Variants in GLRX5 observed in about 807,000 individuals in gnomAD.
The protein encoded by GLRX5 is glutaredoxin-related protein 5, mitochondrial.
In GLRX5, 10 loss-of-function variants were observed where a neutral mutation model predicts 13.8. That is an observed-to-expected ratio of 0.72 (90% CI 0.45 to 1.23). The LOEUF (loss-of-function observed/expected upper bound fraction) is 1.23, where lower values mean the gene tolerates loss of function less well. Among genes scored for constraint, GLRX5 ranks in the 50% most tolerant of loss-of-function variants. GLRX5 has a pLI of 0.00. For synonymous variants in GLRX5, 98 were observed against 101.1 expected, an observed-to-expected ratio of 0.97 and a Z score of 0.18; for missense variants, 233 against 215.2, an observed-to-expected ratio of 1.08 and a Z score of -0.52.
chr14:95,541,684 A>G (rs1007814), intron 1 of GLRX5, among the ~76,000 whole-genome samples: 35,428 of 152,152 alleles, frequency 0.23, 4,385 homozygotes, highest in Admixed American at 0.31. Flanking sequence ...GTCAGGACAT[A>G]TGATCAACAG....
chr14:95,535,825 C>T (rs1324275942), intron 1 of GLRX5, among the ~76,000 whole-genome samples: 1 of 152,082 alleles, frequency 6.6e-6, no homozygotes, highest in Non-Finnish European at 1.5e-5. Flanking sequence ...TTGGCCTACT[C>T]GTGGGTAAGG....
At position 95,543,737 on chromosome 14, in the gene GLRX5, G is replaced by A. The variant is rs568092178; in HGVS notation, c.296-210G>A. 11 of 581,434 alleles carry A rather than the reference G, an allele frequency of 1.9e-5. No individual in the cohort carries two copies. In the East Asian group the frequency reaches 2.0e-4, roughly 11 times the overall value. The allele number at this position is 581,434 out of a possible 1,614,324, so 36.0% of individuals were successfully genotyped here. On this transcript the variant is annotated intron_variant, in intron 1 of 1. Coordinates refer to ENST00000331334, the MANE Select transcript of GLRX5 (RefSeq NM_016417.3). ...TCAGGTGACTTGTCTGAGGGCTGAC[G>A]GTTTGTAATTGGAAGAGTCAGGGCC...
At chr14:95,537,438 C>T (rs1308463422) in intron 1 of GLRX5, among the ~76,000 whole-genome samples, 1 of 152,212 alleles carries the variant, frequency 6.6e-6, no homozygotes, top group East Asian at 1.9e-4. Context: ...TTGAATATAA[C>T]ATACCTCTTT....
rs1319230394 is a variant in GLRX5 at position 95,535,288 on chromosome 14, T to G, written c.199T>G (p.Cys67Gly). Residue 67 changes from cysteine (C) to glycine (G), a missense_variant, in exon 1 of 2, where the codon TGC becomes GGC. By Grantham distance (159) the Cys-to-Gly change is radical (BLOSUM62 -3). Transcript: ENST00000331334. ...CAAGGGGACGCCGGAGCAGCCCCAG[T>G]GCGGCTTCAGCAACGCCGTGGTGCA... Reference protein sequence around the residue: ...FLKGTPEQPQCGFSNAVVQIL... With the variant: ...FLKGTPEQPQGGFSNAVVQIL... The G allele has an allele frequency of 6.4e-7, 1 of 1,566,416 alleles. No individual in the cohort carries two copies.
In GLRX5 at chr14:95,539,954, A is replaced by G. The variant is rs537193148; in HGVS notation, c.296-3993A>G. Among the ~76,000 whole-genome samples, 24 of 151,682 alleles carry G rather than the reference A, an allele frequency of 1.6e-4. No homozygotes were observed. In the South Asian group the frequency reaches 2.7e-3, roughly 17 times the overall value. Reference sequence around the variant, plus strand: ...TGCCTAGGCTGAAGTGCAGGGGGCAATCTCGGCTCACTGCCACCCCTGCCT... The same window carrying G: ...TGCCTAGGCTGAAGTGCAGGGGGCAGTCTCGGCTCACTGCCACCCCTGCCT... On this transcript the variant is annotated intron_variant, in intron 1 of 1. Coordinates refer to ENST00000331334, the MANE Select transcript of GLRX5 (RefSeq NM_016417.3).
At position 95,535,119 on chromosome 14, in the gene GLRX5, G is replaced by C. The variant is rs1891335637; in HGVS notation, c.30G>C (p.Ala10=). The change falls in exon 1 of 2, where the codon GCG becomes GCC. Residue 10 remains alanine, a synonymous_variant. Coordinates refer to ENST00000331334, the MANE Select transcript of GLRX5 (RefSeq NM_016417.3). MSGSLGRAA[A]ALLRWGRGAG... is the part of the protein sequence containing the mutation. ...GCGGGTCCCTCGGCCGAGCTGCGGC[G>C]GCTCTGCTCCGCTGGGGGCGCGGCG... 1 of 1,274,526 alleles carries C rather than the reference G, an allele frequency of 7.8e-7. No homozygotes were observed. Among genetic ancestry groups the C allele is most frequent in the South Asian group, 2.1e-5 (1 of 48,168 alleles). 79.0% of individuals were successfully genotyped at this position (1,274,526 alleles called of 1,614,324 possible).
chr14:95,540,375 C>G (rs972791779), intron 1 of GLRX5, among the ~76,000 whole-genome samples: 1 of 152,136 alleles, frequency 6.6e-6, no homozygotes, highest in Non-Finnish European at 1.5e-5. Context: ...TCATTTCATT[C>G]CTTAGATATC....
At chr14:95,535,497 G>A (rs1300486858) in intron 1 of GLRX5, 113 bp downstream of exon 1, 5 of 1,081,766 alleles carry the variant, frequency 4.6e-6, no homozygotes, top group Non-Finnish European at 6.7e-6. Flanking sequence ...ATCCGCCGGG[G>A]TCTGTCTGAA....
intron 1 of GLRX5, chr14:95,542,926 A>C (rs777826946): frequency 4.3e-5 from 18 of 415,008 alleles, no homozygotes; most frequent in East Asian, 2.9e-4. Flanking sequence ...GTAATCTTTT[A>C]TGTCTTAAGA....
intron 1 of GLRX5, 124 bp downstream of exon 1, chr14:95,535,508 G>A: frequency 1.1e-6 from 1 of 948,000 alleles, no homozygotes; most frequent in East Asian, 2.6e-5. Context: ...TCTGTCTGAA[G>A]GTTCGAGCCG....
chr14:95,543,899 G>A (rs781086038), intron 1 of GLRX5, 48 bp from the exon 2 acceptor site: 10 of 1,517,438 alleles, frequency 6.6e-6, no homozygotes, highest in Admixed American at 5.0e-5. Flanking sequence ...GTCATGAATG[G>A]TTCAGCTTTT....
At chr14:95,537,105 G>A (rs1213114230) in intron 1 of GLRX5, among the ~76,000 whole-genome samples, 2 of 152,194 alleles carry the variant, frequency 1.3e-5, no homozygotes, top group Non-Finnish European at 1.5e-5. Context: ...TGCCAATATG[G>A]CACTAGTAAA....
intron 1 of GLRX5, among the ~76,000 whole-genome samples, chr14:95,535,726 C>T (rs942949864): frequency 6.6e-6 from 1 of 152,232 alleles, no homozygotes; most frequent in Non-Finnish European, 1.5e-5. Flanking sequence ...GGCCCGCTGC[C>T]TGACTGCTCT....
intron 1 of GLRX5, 78 bp downstream of exon 1, chr14:95,535,462 G>A (rs1484651930): frequency 1.4e-6 from 2 of 1,388,390 alleles, no homozygotes; most frequent in Non-Finnish European, 2.0e-6. Context: ...GGGTTCCGCC[G>A]CGCCGGGCTG....
chr14:95,538,424 A>G (rs184446748), intron 1 of GLRX5, among the ~76,000 whole-genome samples: 19 of 152,394 alleles, frequency 1.2e-4, no homozygotes, highest in Non-Finnish European at 2.4e-4. Flanking sequence ...ATGTTTATTA[A>G]GCATTTGAAA....
At position 95,544,223 on chromosome 14, in the gene GLRX5, G is replaced by A. The variant is rs1260882831; in HGVS notation, c.*98G>A. ...CATTTTGGTTTTCACTATTGAGACC[G>A]CAACTGCTTGCACTGATCATTTTGG... On this transcript the variant is annotated 3_prime_UTR_variant, in exon 2 of 2. Coordinates refer to ENST00000331334, the MANE Select transcript of GLRX5 (RefSeq NM_016417.3). 22 of 902,136 alleles carry A rather than the reference G, an allele frequency of 2.4e-5. No individual in the cohort carries two copies. The highest frequency in any genetic ancestry group is 1.8e-4 in the East Asian group (7 of 38,170). The allele number at this position is 902,136 out of a possible 1,614,324, so 55.9% of individuals were successfully genotyped here.
chr14:95,541,787 A>C lies in GLRX5; in HGVS notation c.296-2160A>C, dbSNP rs575314308. Among the ~76,000 whole-genome samples, 93 of 152,368 alleles carry C rather than the reference A, an allele frequency of 6.1e-4. 2 individuals are homozygous for C. The highest frequency in any genetic ancestry group is 7.1e-4 in the Non-Finnish European group (48 of 68,032). Reference sequence around the variant, plus strand: ...GATGAAAAGCAATTTTACTTTAAAAACATGTATTTTTTGGGTAAAACATGT... The same window carrying C: ...GATGAAAAGCAATTTTACTTTAAAACCATGTATTTTTTGGGTAAAACATGT... On this transcript the variant is annotated intron_variant, in intron 1 of 1. Coordinates refer to ENST00000331334, the MANE Select transcript of GLRX5 (RefSeq NM_016417.3).
Position 95,544,087 on chromosome 14 carries a change from G to A in GLRX5, c.436G>A (p.Ala146Thr), listed in dbSNP as rs11628901. Residue 146 changes from alanine to threonine, a missense_variant, in exon 2 of 2, where the codon GCC becomes ACC. Ala to Thr is a moderately conservative substitution (Grantham distance 58). Transcript: ENST00000331334. ...EELKKLGIHS[A>T]LLDEKKDQDS... ...ACTGAAAAAGCTGGGGATCCACTCC[G>A]CCCTTTTAGATGAAAAGAAAGACCA... The A allele has an allele frequency of 0.13, 216,140 of 1,613,256 alleles. 15,377 individuals carry two copies. The highest frequency in any genetic ancestry group is 0.15 in the Middle Eastern group (925 of 6,062).
intron 1 of GLRX5, among the ~76,000 whole-genome samples, chr14:95,536,191 G>C (rs1003978722): frequency 6.6e-6 from 1 of 152,228 alleles, no homozygotes; most frequent in Non-Finnish European, 1.5e-5. Flanking sequence ...ATTAGGCCGG[G>C]AGAGGGAAGG....
Sources: allele counts gnomAD v4.1 joint callset (sites outside exome capture counted in the v4.1 genomes callset), GRCh38; gene constraint gnomAD v4.1.1; transcripts MANE v1.5; gene names NCBI Gene and HGNC (gene_info 2026-07-23, HGNC 2026-07-21).